The following SKAP1 variants were observed in gnomAD, a reference collection of about 807,000 sequenced individuals.
The protein encoded by SKAP1 is src kinase-associated phosphoprotein 1.
Under a neutral mutation model 58.5 loss-of-function variants are expected in SKAP1, and 44 were observed. The observed-to-expected ratio is 0.75, with a 90% CI of 0.59 to 0.97. SKAP1 has a LOEUF of 0.97. Among genes scored for constraint, SKAP1 ranks in the 50% least tolerant of loss-of-function variants. The pLI is 0.00. For missense variants in SKAP1, 390 were observed against 435.2 expected (o/e 0.90, Z 0.92); for synonymous variants, 127 against 149.7 (o/e 0.85, Z 1.11).
rs184709781 is a variant in SKAP1, at chr17:48,184,125, A to G, written c.567+598T>C. Among the ~76,000 whole-genome samples, 228 of 152,296 alleles carry G rather than the reference A, an allele frequency of 1.5e-3. 2 individuals are homozygous for G. Among genetic ancestry groups the G allele is most frequent in the African/African-American group, 5.3e-3 (219 of 41,556 alleles). ...TAAAATAAAACACATTAATTTTATA[A>G]TGAGGTAAAGATTCAAACTGAGCAC... On this transcript the variant is annotated intron_variant, in intron 7 of 12. Transcript: ENST00000336915.
At chr17:48,390,160 G>C (rs1371409260) in intron 2 of SKAP1, among the ~76,000 whole-genome samples, 3 of 152,150 alleles carry the variant, frequency 2.0e-5, no homozygotes, top group East Asian at 1.9e-4. Flanking sequence ...GTGGATACAG[G>C]CTGGGTCCAT....
intron 4 of SKAP1, among the ~76,000 whole-genome samples, chr17:48,269,683 G>C (rs1025219817): frequency 4.6e-5 from 7 of 152,210 alleles, no homozygotes; most frequent in Non-Finnish European, 7.3e-5. Context: ...AAATTAATTA[G>C]CTTAGCTTCC....
chr17:48,293,810 T>C (rs557575379), intron 4 of SKAP1, among the ~76,000 whole-genome samples: 6 of 152,342 alleles, frequency 3.9e-5, no homozygotes, highest in African/African-American at 1.2e-4. Flanking sequence ...GTGAACGCTC[T>C]GACATTGACA....
chr17:48,331,503 C>T (rs577017201), intron 4 of SKAP1, among the ~76,000 whole-genome samples: 2 of 151,962 alleles, frequency 1.3e-5, no homozygotes, highest in Admixed American at 6.6e-5. Flanking sequence ...AGTTGGAGAC[C>T]AGCCTGACCA....
At chr17:48,225,895 C>G (rs1038115406) in intron 4 of SKAP1, among the ~76,000 whole-genome samples, 1 of 152,140 alleles carries the variant, frequency 6.6e-6, no homozygotes, top group Non-Finnish European at 1.5e-5. Flanking sequence ...AGATCAATCC[C>G]AACGATTCAT....
chr17:48,436,274 G>T, the SKAP1 span, among the ~76,000 whole-genome samples: 2 of 152,076 alleles, frequency 1.3e-5, no homozygotes, highest in African/African-American at 4.8e-5. Context: ...GTTTCACCAC[G>T]TTGGCCAGGC....
At chr17:48,444,920 C>T in the SKAP1 span, among the ~76,000 whole-genome samples, 1 of 151,998 alleles carries the variant, frequency 6.6e-6, no homozygotes, top group Non-Finnish European at 1.5e-5. Context: ...GCTGTAGGGG[C>T]AGTAAGATTT....
intron 4 of SKAP1, chr17:48,308,421 A>C (rs1443770256): frequency 1.3e-5 from 2 of 152,224 alleles, no homozygotes; most frequent in Non-Finnish European, 2.9e-5. Context: ...TTACCACAAG[A>C]GAGTTTTGAT....
intron 11 of SKAP1, among the ~76,000 whole-genome samples, chr17:48,137,806 G>C (rs879793000): frequency 6.6e-6 from 1 of 152,244 alleles, no homozygotes; most frequent in East Asian, 1.9e-4. Context: ...GCTTACAGCA[G>C]AGTAATGGGC....
chr17:48,346,146 C>A, intron 3 of SKAP1, 140 bp from the exon 4 acceptor site: 2 of 499,350 alleles, frequency 4.0e-6, no homozygotes, highest in Non-Finnish European at 7.0e-6. Context: ...ATGAACATGG[C>A]CACTATCCAT....
chr17:48,182,490 G>T, intron 7 of SKAP1, 33 bp from the exon 8 acceptor site: 1 of 1,502,198 alleles, frequency 6.7e-7, no homozygotes, highest in Non-Finnish European at 9.2e-7. Context: ...ATTTATCACT[G>T]TCACTAAAAT....
chr17:48,273,320 A>G (rs1323435169), intron 4 of SKAP1, among the ~76,000 whole-genome samples: 1 of 152,208 alleles, frequency 6.6e-6, no homozygotes. Flanking sequence ...TAATTTATTT[A>G]TAATTTTCAA....
intron 4 of SKAP1, among the ~76,000 whole-genome samples, chr17:48,335,115 G>A (rs2066552319): frequency 6.6e-6 from 1 of 151,332 alleles, no homozygotes; most frequent in African/African-American, 2.4e-5. Flanking sequence ...ATAATATTCA[G>A]TACTCCCTTT....
intron 1 of SKAP1, among the ~76,000 whole-genome samples, chr17:48,415,886 A>G (rs1394829218): frequency 1.3e-5 from 2 of 152,152 alleles, no homozygotes; most frequent in South Asian, 2.1e-4. Flanking sequence ...GCACTCCCCC[A>G]ACTAACAAGA....
chr17:48,338,821 T>A (rs2066611057), intron 4 of SKAP1, among the ~76,000 whole-genome samples: 2 of 152,248 alleles, frequency 1.3e-5, no homozygotes, highest in South Asian at 4.1e-4. Flanking sequence ...TAATATAAAT[T>A]ACTGTCAACT....
intron 1 of SKAP1, among the ~76,000 whole-genome samples, chr17:48,397,684 T>A (rs564649813): frequency 6.6e-6 from 1 of 152,080 alleles, no homozygotes; most frequent in Non-Finnish European, 1.5e-5. Context: ...CAAAGAAATA[T>A]TAATTAGCAG....
chr17:48,437,586 A>T, the SKAP1 span, among the ~76,000 whole-genome samples: 4 of 151,888 alleles, frequency 2.6e-5, no homozygotes, highest in African/African-American at 9.7e-5. Context: ...CTACAAAAAT[A>T]AAAAAATTAG....
chr17:48,423,170 T>C (rs1056393078), intron 1 of SKAP1, among the ~76,000 whole-genome samples: 1 of 152,218 alleles, frequency 6.6e-6, no homozygotes, highest in East Asian at 1.9e-4. Context: ...AAGACCTTGA[T>C]ACTAACTAGT....
chr17:48,436,664 T>C, the SKAP1 span, among the ~76,000 whole-genome samples: 1 of 152,112 alleles, frequency 6.6e-6, no homozygotes, highest in Non-Finnish European at 1.5e-5. Flanking sequence ...AACCAAGATC[T>C]TCCTTTCACC....
Sources: allele counts gnomAD v4.1 joint callset (sites outside exome capture counted in the v4.1 genomes callset), GRCh38; gene constraint gnomAD v4.1.1; transcripts MANE v1.5; gene names NCBI Gene and HGNC (gene_info 2026-07-23, HGNC 2026-07-21).